The following C1orf141 variants were observed in gnomAD, a reference collection of about 807,000 sequenced individuals.
C1orf141 encodes the protein uncharacterized protein C1orf141.
In C1orf141, 19 loss-of-function variants were observed where a neutral mutation model predicts 23.2. The observed-to-expected ratio is 0.82, with a 90% CI of 0.57 to 1.20. The LOEUF (loss-of-function observed/expected upper bound fraction) is 1.20, where lower values mean the gene tolerates loss of function less well. C1orf141 is among the 50% of genes most tolerant of loss of function. The probability of loss-of-function intolerance (pLI) is 0.00; values close to 1 mark genes in which losing one functional copy is unlikely to be tolerated. For synonymous variants in C1orf141, 153 were observed against 154.6 expected, an observed-to-expected ratio of 0.99 and a Z score of 0.08; for missense variants, 469 against 455.1, an observed-to-expected ratio of 1.03 and a Z score of -0.28.
At chr1:67,113,831 C>G (rs993624976) in intron 5 of C1orf141, 3 of 534,012 alleles carry the variant, frequency 5.6e-6, no homozygotes, top group African/African-American at 3.9e-5. Flanking sequence ...TTAGTAACAG[C>G]CCTCCTGCTG....
At chr1:67,102,989 T>C (rs1645838630) in intron 5 of C1orf141, among the ~76,000 whole-genome samples, 1 of 152,130 alleles carries the variant, frequency 6.6e-6, no homozygotes, top group African/African-American at 2.4e-5. Flanking sequence ...GTTTTAAGCA[T>C]AGACAACAGA....
intron 5 of C1orf141, among the ~76,000 whole-genome samples, chr1:67,107,925 G>A (rs1455165527): frequency 6.6e-6 from 1 of 151,986 alleles, no homozygotes; most frequent in African/African-American, 2.4e-5. Context: ...TTCTCTTTAT[G>A]GTAGCATCTG....
intron 7 of C1orf141, 122 bp from the exon 8 acceptor site, chr1:67,093,726 A>G: frequency 1.5e-6 from 1 of 677,570 alleles, no homozygotes; most frequent in Non-Finnish European, 2.3e-6. Context: ...CAAATATTTA[A>G]TATGAACAGT....
At chr1:67,128,296 T>C (rs1418306750) in intron 2 of C1orf141, among the ~76,000 whole-genome samples, 2 of 152,202 alleles carry the variant, frequency 1.3e-5, no homozygotes, top group Non-Finnish European at 2.9e-5. Flanking sequence ...ATTAGTGTAA[T>C]AGAAATAGCT....
At chr1:67,109,114 T>C (rs898104039) in intron 5 of C1orf141, among the ~76,000 whole-genome samples, 13 of 151,600 alleles carry the variant, frequency 8.6e-5, no homozygotes, top group Admixed American at 2.6e-4. Context: ...GATCACGAGG[T>C]CGGGAGATCG....
chr1:67,132,277 C>T (rs536526778), intron 1 of C1orf141, among the ~76,000 whole-genome samples: 10 of 152,002 alleles, frequency 6.6e-5, no homozygotes, highest in African/African-American at 1.7e-4. Flanking sequence ...CCCAGCACTT[C>T]AGGAAGCTGA....
intron 5 of C1orf141, among the ~76,000 whole-genome samples, chr1:67,098,602 A>G (rs945452233): frequency 6.6e-6 from 1 of 152,168 alleles, no homozygotes; most frequent in African/African-American, 2.4e-5. Flanking sequence ...TCAGCACTAC[A>G]ATTAAATAGA....
intron 5 of C1orf141, chr1:67,113,817 G>GTGA: frequency 1.5e-6 from 1 of 661,836 alleles, no homozygotes; most frequent in Non-Finnish European, 2.4e-6. Flanking sequence ...GGAAGGCCAG[G>GTGA]TGATTAGTAA....
chr1:67,104,775 T>G (rs1478287591), intron 5 of C1orf141, among the ~76,000 whole-genome samples: 2 of 152,170 alleles, frequency 1.3e-5, no homozygotes, highest in Admixed American at 6.5e-5. Context: ...ATCTTACCTA[T>G]GACTTCAGGA....
In C1orf141 at chr1:67,096,306, T is replaced by G; in HGVS notation, c.362A>C (p.Lys121Thr). The G allele has an allele frequency of 6.6e-7, 1 of 1,526,408 alleles. No individual in the cohort carries two copies. Among genetic ancestry groups the G allele is most frequent in the Non-Finnish European group, 8.9e-7 (1 of 1,121,496 alleles). The allele number at this position is 1,526,408 out of a possible 1,614,324, so 94.6% of individuals were successfully genotyped here. ...ESESTAQIEK[K>T]PRKPLDSVGL... ...AACAGAATCCAATGGTTTCCTAGGT[T>G]TTTTTTCAATTTGAGCTGAAATTTT... Residue 121 changes from lysine (K) to threonine (T), a missense_variant, in exon 6 of 8, where the codon AAA becomes ACA. This residue lies in a region of C1orf141 where 370 missense variants were observed against 348.1 expected (regional missense o/e 1.06). Transcript: ENST00000684719.
In C1orf141 at chr1:67,095,374, G is replaced by T. The variant is rs147612243; in HGVS notation, c.464C>A (p.Ser155Ter). 4 of 1,565,414 alleles carry T rather than the reference G, an allele frequency of 2.6e-6. No homozygotes were observed. In the African/African-American group the frequency reaches 4.1e-5, roughly 16 times the overall value. The change falls in exon 7 of 8, where the codon TCG (serine) becomes TAG (stop). Residue 155 changes from serine (S) to a stop codon, truncating the protein, a stop_gained. Transcript: ENST00000684719. LOFTEE classifies it high-confidence loss of function. Reference sequence around the variant, plus strand: ...CTTACTTAATTGATAATTTCTGACCGATTTGTTTTCTTTTATATTAAAATC... The same window carrying T: ...CTTACTTAATTGATAATTTCTGACCTATTTGTTTTCTTTTATATTAAAATC... ...MNDFNIKENK[S>*]VRNYQLSKYR...
rs537984058 is a variant in C1orf141, at chr1:67,108,463, G to A, written c.346+6889C>T. ...TTAAGTTTCAACATATGAATTTTGA[G>A]GGTACACATTCAGACCATAGCAACC... On this transcript the variant is annotated intron_variant, in intron 5 of 7. Coordinates refer to ENST00000684719, the MANE Select transcript of C1orf141 (RefSeq NM_001276351.2). Among the ~76,000 whole-genome samples, 10 of 152,254 alleles carry A rather than the reference G, an allele frequency of 6.6e-5. No homozygotes were observed. The South Asian group carries it at 2.1e-3, about 32-fold the overall frequency.
intron 4 of C1orf141, among the ~76,000 whole-genome samples, chr1:67,117,932 C>T (rs887544858): frequency 6.6e-6 from 1 of 152,094 alleles, no homozygotes; most frequent in Non-Finnish European, 1.5e-5. Flanking sequence ...CTCAGTCCTT[C>T]ATGTGTCAAA....
chr1:67,106,202 T>A (rs1454460714), intron 5 of C1orf141, among the ~76,000 whole-genome samples: 1 of 152,114 alleles, frequency 6.6e-6, no homozygotes. Flanking sequence ...GTCTTCACAA[T>A]ACAATAGTCA....
At chr1:67,111,484 C>A in intron 5 of C1orf141, 1 of 475,008 alleles carries the variant, frequency 2.1e-6, no homozygotes, top group Non-Finnish European at 3.6e-6. Flanking sequence ...CTAAAATTCA[C>A]TTGAATTTTG....
At chr1:67,106,059 C>A (rs1282714719) in intron 5 of C1orf141, among the ~76,000 whole-genome samples, 1 of 152,158 alleles carries the variant, frequency 6.6e-6, no homozygotes, top group Non-Finnish European at 1.5e-5. Context: ...TGCAAGCAGA[C>A]AGCTAAGGAT....
chr1:67,095,538 C>T (rs1645657087), intron 6 of C1orf141, 117 bp from the exon 7 acceptor site: 1 of 591,606 alleles, frequency 1.7e-6, no homozygotes, highest in Non-Finnish European at 2.8e-6. Flanking sequence ...ACCTCTCTCC[C>T]ACAGACTTTT....
intron 4 of C1orf141, among the ~76,000 whole-genome samples, 198 bp downstream of exon 4, chr1:67,125,554 C>T (rs1017410685): frequency 6.6e-6 from 1 of 152,014 alleles, no homozygotes; most frequent in African/African-American, 2.4e-5. Context: ...AAAAAATTAG[C>T]TGGGCATGGT....
rs531024511 is a variant in C1orf141 at position 67,140,822 on chromosome 1, T to C, written c.-103-9595A>G. The stretch of plus-strand genomic sequence containing the variant: ...TCTCACTTATTAGATTTATTATGTG[T>C]CAACAATTGCATTTTCACATACATT... On this transcript the variant is annotated intron_variant, in intron 1 of 7. Transcript: ENST00000371007. Among the ~76,000 whole-genome samples, 6 of 152,300 alleles carry C rather than the reference T, an allele frequency of 3.9e-5. No individual in the cohort carries two copies. In the East Asian group the frequency reaches 9.6e-4, roughly 24 times the overall value.
Sources: gnomAD v4.1 joint callset for allele counts (sites outside exome capture counted in the v4.1 genomes callset) on GRCh38, gnomAD v4.1.1 for gene constraint, gnomAD v4.1.1 regional missense constraint, MANE v1.5 for transcripts, NCBI Gene and HGNC (gene_info 2026-07-23, HGNC 2026-07-21) for gene names.